The following GPHN variants were observed in gnomAD, a reference collection of about 807,000 sequenced individuals.
The protein encoded by GPHN is gephyrin.
A neutral mutation model predicts 95.5 loss-of-function variants in GPHN; 17 were observed. The observed-to-expected ratio is 0.18, with a 90% CI of 0.12 to 0.27. GPHN has a LOEUF of 0.27. Among genes scored for constraint, GPHN ranks in the 10% least tolerant of loss-of-function variants. The pLI is 1.00. For missense variants in GPHN, 660 were observed against 978.1 expected, an observed-to-expected ratio of 0.67 and a Z score of 4.34; for synonymous variants, 320 against 322.5, an observed-to-expected ratio of 0.99 and a Z score of 0.08.
At chr14:67,646,572 G>T in the GPHN span, 2 of 1,246,562 alleles carry the variant, frequency 1.6e-6, no homozygotes, top group South Asian at 1.3e-5. Flanking sequence ...GCATACCCAC[G>T]GACGCACATG....
the GPHN span, among the ~76,000 whole-genome samples, chr14:67,255,715 C>G: frequency 0.16 from 23,664 of 152,214 alleles, 3,473 homozygotes; most frequent in East Asian, 0.42. Flanking sequence ...GAGTCTCGCT[C>G]TGTTGCCCAG....
chr14:67,451,694 C>G, the GPHN span, among the ~76,000 whole-genome samples: 1 of 152,152 alleles, frequency 6.6e-6, no homozygotes, highest in African/African-American at 2.4e-5. Flanking sequence ...AACTTACTTG[C>G]TTTTGATTTT....
chr14:67,709,455 G>C, the GPHN span, among the ~76,000 whole-genome samples: 1 of 152,326 alleles, frequency 6.6e-6, no homozygotes, highest in East Asian at 1.9e-4. Context: ...TTTAGGAGTT[G>C]GTTAATGCTT....
the GPHN span, among the ~76,000 whole-genome samples, chr14:67,216,124 G>T: frequency 6.6e-6 from 1 of 151,956 alleles, no homozygotes; most frequent in Non-Finnish European, 1.5e-5. Context: ...CTAACATGTG[G>T]TACATTTGTT....
chr14:67,140,332 C>T (rs1292494203), intron 17 of GPHN, among the ~76,000 whole-genome samples: 2 of 150,416 alleles, frequency 1.3e-5, no homozygotes, highest in Admixed American at 6.6e-5. Flanking sequence ...TGCAGTGAGC[C>T]GAGATTGTGC....
At chr14:66,690,221 G>A (rs2067680296) in intron 2 of GPHN, among the ~76,000 whole-genome samples, 2 of 151,610 alleles carry the variant, frequency 1.3e-5, no homozygotes, top group Admixed American at 1.3e-4. Flanking sequence ...ATATTTTTTG[G>A]TATGTTGTGT....
rs113072542 is a variant in GPHN at position 66,655,491 on chromosome 14, G to GT, written c.65-25610dup. Among the ~76,000 whole-genome samples, 556 of 152,126 alleles carry GT rather than the reference G, an allele frequency of 3.7e-3. 12 individuals are homozygous for GT. The highest frequency in any genetic ancestry group is 0.013 in the African/African-American group (529 of 41,518). On this transcript the variant is annotated intron_variant, in intron 1 of 22. Coordinates refer to ENST00000478722, the MANE Select transcript of GPHN (RefSeq NM_020806.5). ...CTTGAAGAACTCCCTTATTCTAGGAGTTTTTTCTAGGTTCCTTGGGATTTT... is the reference window on the plus strand; with the variant it reads ...CTTGAAGAACTCCCTTATTCTAGGAGTTTTTTTCTAGGTTCCTTGGGATTTT...
intron 5 of GPHN, among the ~76,000 whole-genome samples, chr14:66,881,498 A>T (rs1437795663): frequency 6.6e-6 from 1 of 151,870 alleles, no homozygotes; most frequent in Non-Finnish European, 1.5e-5. Flanking sequence ...AATTCGGTAA[A>T]CATAATAATA....
the GPHN span, among the ~76,000 whole-genome samples, chr14:67,431,285 G>A: frequency 2.7e-5 from 4 of 150,862 alleles, no homozygotes; most frequent in African/African-American, 4.9e-5. Context: ...CCAGCTACTC[G>A]GCAGGCTGAG....
At chr14:67,196,043 C>A in the GPHN span, among the ~76,000 whole-genome samples, 1 of 152,076 alleles carries the variant, frequency 6.6e-6, no homozygotes, top group African/African-American at 2.4e-5. Flanking sequence ...ACCTTGGCCT[C>A]CTAAATAATG....
the GPHN span, among the ~76,000 whole-genome samples, chr14:67,456,077 G>T: frequency 2.0e-5 from 3 of 152,110 alleles, no homozygotes; most frequent in Non-Finnish European, 4.4e-5. Flanking sequence ...TCTGACAAAG[G>T]TCTAATATCC....
chr14:67,568,099 A>G, the GPHN span, among the ~76,000 whole-genome samples: 38 of 152,190 alleles, frequency 2.5e-4, no homozygotes, highest in African/African-American at 8.4e-4. Context: ...CCTAGCCATG[A>G]TATGACATTA....
In GPHN at chr14:66,736,782, T is replaced by C. The variant is rs577810159; in HGVS notation, c.144-39682T>C. ...GAACCCATACAAAGATATTTTCTATTTGCACTTCATTTTCTGTTAGCCTCT... is the reference window on the plus strand; with the variant it reads ...GAACCCATACAAAGATATTTTCTATCTGCACTTCATTTTCTGTTAGCCTCT... On this transcript the variant is annotated intron_variant, in intron 2 of 22. Coordinates refer to ENST00000478722, the MANE Select transcript of GPHN (RefSeq NM_020806.5). Among the ~76,000 whole-genome samples, 6 of 152,330 alleles carry C rather than the reference T, an allele frequency of 3.9e-5. No homozygotes were observed. The South Asian group carries it at 8.3e-4, about 21-fold the overall frequency.
the GPHN span, chr14:67,615,418 C>T: frequency 5.8e-5 from 12 of 207,158 alleles, no homozygotes; most frequent in South Asian, 5.8e-4. Flanking sequence ...AAGACAGTGC[C>T]GGGGCAAGTG....
chr14:67,273,195 C>G, the GPHN span, among the ~76,000 whole-genome samples: 6 of 151,784 alleles, frequency 4.0e-5, no homozygotes, highest in African/African-American at 1.2e-4. Context: ...TATGCATGTG[C>G]CATGTTGGTG....
At chr14:67,225,147 A>T in the GPHN span, 2 of 1,585,132 alleles carry the variant, frequency 1.3e-6, no homozygotes, top group South Asian at 2.3e-5. Context: ...ATCTCCTTCT[A>T]ATTTCCTCAA....
chr14:67,180,791 T>A lies in GPHN; in HGVS notation c.2177-13T>A. 12 of 1,612,420 alleles carry A rather than the reference T, an allele frequency of 7.4e-6. No individual in the cohort carries two copies. The highest frequency in any genetic ancestry group is 1.0e-5 in the Non-Finnish European group (12 of 1,179,076). On this transcript the variant is annotated splice_polypyrimidine_tract_variant and intron_variant, in intron 22 of 22. Coordinates refer to ENST00000478722, the MANE Select transcript of GPHN (RefSeq NM_020806.5). ...GATGCTTATGCTGCTGTAATAAGAG[T>A]ATTTCTTTCTAGGTAATCAAATGAG...
At chr14:67,256,797 G>GACACACACACAC in the GPHN span, among the ~76,000 whole-genome samples, 9,594 of 147,686 alleles carry the variant, frequency 0.065, 640 homozygotes, top group East Asian at 0.31. Context: ...AGAAACTATT[G>GACACACACACAC]ACACACACAC....
chr14:67,579,122 C>T, the GPHN span: 2 of 1,509,984 alleles, frequency 1.3e-6, no homozygotes, highest in African/African-American at 3.5e-5. Context: ...CTCCCCTCTT[C>T]CGTCTTTTTA....
Sources: allele counts gnomAD v4.1 joint callset (sites outside exome capture counted in the v4.1 genomes callset), GRCh38; gene constraint gnomAD v4.1.1; transcripts MANE v1.5; gene names NCBI Gene and HGNC (gene_info 2026-07-23, HGNC 2026-07-21).